TNFSF4: variants seen among roughly 807,000 people sequenced by gnomAD.
TNFSF4 encodes tumor necrosis factor ligand superfamily member 4.
TNFSF4 carries 4 observed loss-of-function variants against 7.3 expected under a neutral mutation model. The observed-to-expected ratio is 0.55, with a 90% CI of 0.27 to 1.25. TNFSF4 has a LOEUF of 1.25. Ranked by LOEUF, TNFSF4 falls within the 50% of genes most tolerant of loss-of-function variation. The probability of loss-of-function intolerance (pLI) is 0.12; values close to 1 mark genes in which losing one functional copy is unlikely to be tolerated. For synonymous variants in TNFSF4, 76 were observed against 83.7 expected, an observed-to-expected ratio of 0.91 and a Z score of 0.50; for missense variants, 181 against 208.8, an observed-to-expected ratio of 0.87 and a Z score of 0.82.
At chr1:173,364,225 G>GTATATATATATATATATATATA in the TNFSF4 span, among the ~76,000 whole-genome samples, 8 of 143,592 alleles carry the variant, frequency 5.6e-5, no homozygotes, top group Admixed American at 1.4e-4. Context: ...AGAAGACTAG[G>GTATATATATATATATATATATA]TATATATATA....
At chr1:173,311,989 C>A in the TNFSF4 span, among the ~76,000 whole-genome samples, 2 of 152,096 alleles carry the variant, frequency 1.3e-5, no homozygotes, top group African/African-American at 4.8e-5. Context: ...CCTCTTCTGG[C>A]ATGGAGCAAG....
chr1:173,310,250 A>G, the TNFSF4 span, among the ~76,000 whole-genome samples: 2 of 151,840 alleles, frequency 1.3e-5, no homozygotes, highest in African/African-American at 2.4e-5. Context: ...ATTTACTTTG[A>G]GACTGTCTTC....
At chr1:173,317,690 T>C in the TNFSF4 span, among the ~76,000 whole-genome samples, 1 of 152,192 alleles carries the variant, frequency 6.6e-6, no homozygotes, top group East Asian at 1.9e-4. Context: ...GAAAGAAGAA[T>C]ATTATTCCTG....
At chr1:173,362,403 G>C in the TNFSF4 span, 2 of 441,422 alleles carry the variant, frequency 4.5e-6, no homozygotes, top group Non-Finnish European at 8.8e-6. Flanking sequence ...CAGAAGAATG[G>C]CTGTTGCTCT....
At chr1:173,191,718 T>A (rs1649487267) in intron 1 of TNFSF4, among the ~76,000 whole-genome samples, 1 of 152,250 alleles carries the variant, frequency 6.6e-6, no homozygotes, top group South Asian at 2.1e-4. Flanking sequence ...CTTCTCTGGT[T>A]CTTTGAATTT....
the TNFSF4 span, among the ~76,000 whole-genome samples, chr1:173,406,040 A>G: frequency 6.6e-6 from 1 of 152,208 alleles, no homozygotes; most frequent in African/African-American, 2.4e-5. Context: ...TGTGCATTTG[A>G]GTTATCTGGT....
the TNFSF4 span, among the ~76,000 whole-genome samples, chr1:173,322,858 C>T: frequency 2.6e-5 from 4 of 152,164 alleles, no homozygotes; most frequent in African/African-American, 9.7e-5. Flanking sequence ...CACCATTGCT[C>T]AGGCTTGAGT....
chr1:173,419,427 C>T, the TNFSF4 span, among the ~76,000 whole-genome samples: 2 of 152,070 alleles, frequency 1.3e-5, no homozygotes, highest in African/African-American at 2.4e-5. Context: ...CCCTCTGCCA[C>T]GTGAGGATGC....
chr1:173,283,063 T>C, the TNFSF4 span, among the ~76,000 whole-genome samples: 3 of 152,194 alleles, frequency 2.0e-5, no homozygotes. Flanking sequence ...CTACCTTCTT[T>C]ACCTATGTCA....
the TNFSF4 span, among the ~76,000 whole-genome samples, chr1:173,341,625 T>C: frequency 5.9e-5 from 9 of 152,224 alleles, no homozygotes; most frequent in African/African-American, 1.7e-4. Flanking sequence ...TAGGCCTCAA[T>C]GTTGTCACTT....
the TNFSF4 span, among the ~76,000 whole-genome samples, chr1:173,376,832 G>C: frequency 6.6e-6 from 1 of 152,096 alleles, no homozygotes; most frequent in Non-Finnish European, 1.5e-5. Context: ...TCAATCTTTG[G>C]GTCCACACTA....
chr1:173,325,478 A>G, the TNFSF4 span, among the ~76,000 whole-genome samples: 1 of 151,814 alleles, frequency 6.6e-6, no homozygotes, highest in Non-Finnish European at 1.5e-5. Flanking sequence ...GAGCAAACAC[A>G]TTCAAAAGCT....
the TNFSF4 span, among the ~76,000 whole-genome samples, chr1:173,449,011 G>A: frequency 1.3e-5 from 2 of 152,210 alleles, no homozygotes; most frequent in Non-Finnish European, 2.9e-5. Flanking sequence ...CCCAATGTTA[G>A]AAGTGGGGCC....
chr1:173,252,116 T>C, the TNFSF4 span, among the ~76,000 whole-genome samples: 4 of 152,090 alleles, frequency 2.6e-5, no homozygotes, highest in Non-Finnish European at 5.9e-5. Context: ...ATGGTTTTAG[T>C]TGGCTAACTA....
chr1:173,187,838 T>C (rs1270800847), intron 2 of TNFSF4, among the ~76,000 whole-genome samples: 2 of 152,218 alleles, frequency 1.3e-5, no homozygotes, highest in African/African-American at 2.4e-5. Context: ...GGACACACCC[T>C]GTTCTGGCCC....
chr1:173,179,966 A>G (rs899321692), downstream of TNFSF4, among the ~76,000 whole-genome samples: 1 of 151,976 alleles, frequency 6.6e-6, no homozygotes, highest in Non-Finnish European at 1.5e-5. Flanking sequence ...GTTTCTTCCA[A>G]TTTTCAGACC....
chr1:173,401,072 T>G, the TNFSF4 span, among the ~76,000 whole-genome samples: 7 of 152,208 alleles, frequency 4.6e-5, no homozygotes, highest in African/African-American at 1.7e-4. Context: ...TACTCCCTTA[T>G]TATATAACAT....
the TNFSF4 span, among the ~76,000 whole-genome samples, chr1:173,344,440 A>G: frequency 6.6e-6 from 1 of 152,238 alleles, no homozygotes; most frequent in South Asian, 2.1e-4. Context: ...ACAATAAAAC[A>G]TACTTTGTAT....
chr1:173,204,670 T>G (rs1650097153), intron 1 of TNFSF4, among the ~76,000 whole-genome samples: 1 of 152,146 alleles, frequency 6.6e-6, no homozygotes, highest in Non-Finnish European at 1.5e-5. Context: ...CTATTTCACC[T>G]CCAATACACA....
Sources: allele counts gnomAD v4.1 joint callset (sites outside exome capture counted in the v4.1 genomes callset), GRCh38; gene constraint gnomAD v4.1.1; transcripts MANE v1.5; gene names NCBI Gene and HGNC (gene_info 2026-07-23, HGNC 2026-07-21).